Variants in USP3 observed in about 807,000 individuals in gnomAD.
USP3 encodes the protein ubiquitin carboxyl-terminal hydrolase 3.
A neutral mutation model predicts 72.3 loss-of-function variants in USP3; 20 were observed. The observed-to-expected ratio is 0.28, with a 90% CI of 0.19 to 0.40. The LOEUF (loss-of-function observed/expected upper bound fraction) is 0.40, where lower values mean the gene tolerates loss of function less well. Among genes scored for constraint, USP3 ranks in the 10% least tolerant of loss-of-function variants. The pLI is 1.00. For missense variants in USP3, 479 were observed against 633.9 expected (o/e 0.76, Z 2.62); for synonymous variants, 222 against 225.3 (o/e 0.99, Z 0.13).
At chr15:63,507,497 A>G (rs1220039678) in intron 1 of USP3, among the ~76,000 whole-genome samples, 2 of 152,208 alleles carry the variant, frequency 1.3e-5, no homozygotes, top group Non-Finnish European at 2.9e-5. Context: ...CTGTTCTAGT[A>G]ATAGGTGGTA....
At chr15:63,586,947 G>A (rs935150822) in intron 11 of USP3, among the ~76,000 whole-genome samples, 5 of 152,152 alleles carry the variant, frequency 3.3e-5, no homozygotes, top group Admixed American at 3.3e-4. Context: ...ATTCAAGACT[G>A]TCTAGTCCTC....
chr15:63,527,983 T>C (rs145765983), intron 1 of USP3: 2 of 152,352 alleles, frequency 1.3e-5, no homozygotes, highest in Admixed American at 6.5e-5. Context: ...TTCTACCTTC[T>C]GGAGAATGGC....
chr15:63,537,966 A>G (rs1469703155), intron 3 of USP3, among the ~76,000 whole-genome samples: 1 of 150,894 alleles, frequency 6.6e-6, no homozygotes, highest in Non-Finnish European at 1.5e-5. Context: ...ATTAACAGGC[A>G]TGAGCCACCG....
chr15:63,516,935 C>T (rs906733856), intron 1 of USP3, among the ~76,000 whole-genome samples: 48 of 148,960 alleles, frequency 3.2e-4, no homozygotes, highest in Admixed American at 4.0e-4. Flanking sequence ...TCTTTTTTTT[C>T]TTTCTGGAAC....
chr15:63,524,263 C>A (rs1285271848), intron 1 of USP3, among the ~76,000 whole-genome samples: 18 of 152,186 alleles, frequency 1.2e-4, no homozygotes, highest in Admixed American at 1.2e-3. Flanking sequence ...GTAGTATAGT[C>A]ATTGGATAGC....
At chr15:63,568,185 C>T (rs746242792) in intron 8 of USP3, among the ~76,000 whole-genome samples, 3 of 151,886 alleles carry the variant, frequency 2.0e-5, no homozygotes, top group Non-Finnish European at 2.9e-5. Flanking sequence ...AACCCCGTCT[C>T]TACCAAAAAT....
At chr15:63,547,761 G>A (rs796155060) in intron 3 of USP3, among the ~76,000 whole-genome samples, 248 of 4,354 alleles carry the variant, frequency 0.057, 5 homozygotes, top group South Asian at 0.1. Context: ...AGGGAGGGAG[G>A]GAGAGAGAGA....
chr15:63,535,072 A>C (rs2152660418), intron 2 of USP3, among the ~76,000 whole-genome samples: 1 of 152,236 alleles, frequency 6.6e-6, no homozygotes, highest in South Asian at 2.1e-4. Context: ...GTGGGATTAC[A>C]GGCATGTGCC....
chr15:63,512,306 T>TC (rs1370574708), intron 1 of USP3, among the ~76,000 whole-genome samples: 3 of 141,788 alleles, frequency 2.1e-5, no homozygotes, highest in Non-Finnish European at 4.6e-5. Context: ...TTCTTCCTCC[T>TC]CTTCTTCTTC....
intron 5 of USP3, 62 bp downstream of exon 5, chr15:63,556,810 C>T (rs1308263179): frequency 2.7e-6 from 3 of 1,129,462 alleles, no homozygotes. Context: ...TGTTTTGTTA[C>T]AACTCTAACA....
chr15:63,591,208 C>T lies in USP3; in HGVS notation c.*382C>T, dbSNP rs555785932. On this transcript the variant is annotated 3_prime_UTR_variant, in exon 15 of 15. Coordinates refer to ENST00000380324, the MANE Select transcript of USP3 (RefSeq NM_006537.4). The stretch of plus-strand genomic sequence containing the variant: ...ATGTGTTCCTTATTGTGAAGAGCGA[C>T]ACAACTGCCTGCTGCCTTTCCACAG... 5.9e-6 allele frequency: 1 copy of T among 170,288 alleles called. No homozygotes were observed. 10.5% of individuals were successfully genotyped at this position (170,288 alleles called of 1,614,324 possible).
intron 1 of USP3, among the ~76,000 whole-genome samples, chr15:63,506,164 A>T (rs546741082): frequency 6.6e-6 from 1 of 152,344 alleles, no homozygotes; most frequent in East Asian, 1.9e-4. Flanking sequence ...TTCACAGAGC[A>T]GTATTGCAGT....
intron 8 of USP3, among the ~76,000 whole-genome samples, chr15:63,568,302 C>T (rs1004332452): frequency 6.0e-5 from 9 of 150,828 alleles, no homozygotes; most frequent in Non-Finnish European, 1.0e-4. Flanking sequence ...TTGCAGTGAG[C>T]CAAGATAGCA....
intron 11 of USP3, among the ~76,000 whole-genome samples, chr15:63,584,349 C>G (rs1177773425): frequency 6.6e-6 from 1 of 152,154 alleles, no homozygotes; most frequent in South Asian, 2.1e-4. Flanking sequence ...CTACCCGCCT[C>G]GGCCTCCCAA....
chr15:63,568,213 G>A (rs1220057711), intron 8 of USP3, among the ~76,000 whole-genome samples: 1 of 152,010 alleles, frequency 6.6e-6, no homozygotes, highest in Non-Finnish European at 1.5e-5. Context: ...TTAGCTGGGC[G>A]TGGTGGCACG....
intron 3 of USP3, among the ~76,000 whole-genome samples, chr15:63,546,626 G>A (rs1368083604): frequency 2.0e-5 from 3 of 152,116 alleles, no homozygotes; most frequent in Non-Finnish European, 4.4e-5. Context: ...GTGAGATGGA[G>A]TCTTGCTCTG....
intron 1 of USP3, chr15:63,530,383 T>G (rs1210597272): frequency 5.3e-6 from 1 of 190,444 alleles, no homozygotes; most frequent in Non-Finnish European, 1.1e-5. Flanking sequence ...TAGAGTGCAG[T>G]AGTGCAGTCA....
At chr15:63,559,729 C>A in intron 6 of USP3, 128 bp from the exon 7 acceptor site, 1 of 676,228 alleles carries the variant, frequency 1.5e-6, no homozygotes, top group Non-Finnish European at 2.4e-6. Context: ...CAAGAGATTG[C>A]ACTGAGTACA....
chr15:63,545,725 A>G (rs945401237), intron 3 of USP3, among the ~76,000 whole-genome samples: 2 of 151,936 alleles, frequency 1.3e-5, no homozygotes, highest in South Asian at 4.1e-4. Flanking sequence ...ATCCCAGCAC[A>G]TTGGGAGGCT....
Sources: allele counts gnomAD v4.1 joint callset (sites outside exome capture counted in the v4.1 genomes callset), GRCh38; gene constraint gnomAD v4.1.1; transcripts MANE v1.5; gene names NCBI Gene and HGNC (gene_info 2026-07-23, HGNC 2026-07-21).